Variants in GAB3 observed in about 807,000 individuals in gnomAD.
The protein encoded by GAB3 is GRB2-associated-binding protein 3.
GAB3 carries 12 observed loss-of-function variants against 40.4 expected under a neutral mutation model. That is an observed-to-expected ratio of 0.30 (90% CI 0.19 to 0.48). The LOEUF is 0.48. Among genes scored for constraint, GAB3 ranks in the 20% least tolerant of loss-of-function variants. GAB3 has a pLI of 0.99. For missense variants in GAB3, 381 were observed against 461.9 expected, an observed-to-expected ratio of 0.82 and a Z score of 1.61; for synonymous variants, 154 against 176.7, an observed-to-expected ratio of 0.87 and a Z score of 1.02.
intron 1 of GAB3, among the ~76,000 whole-genome samples, chrX:154,743,312 G>A (rs1051524813): frequency 9.0e-6 from 1 of 111,229 alleles, no homozygotes; most frequent in African/African-American, 3.3e-5. Flanking sequence ...AAACAAAACA[G>A]AGAAGTCACT....
intron 5 of GAB3, 34 bp downstream of exon 5, chrX:154,699,970 T>C (rs374878750): frequency 5.7e-5 from 65 of 1,150,032 alleles, no homozygotes; most frequent in Non-Finnish European, 6.8e-5. Flanking sequence ...TTTGGTAAAA[T>C]TGATGCTTAA....
intron 3 of GAB3, 78 bp from the exon 4 acceptor site, chrX:154,712,779 A>T (rs1351987809): frequency 1.4e-5 from 8 of 569,456 alleles, no homozygotes; most frequent in Non-Finnish European, 1.9e-5. Flanking sequence ...CCTCATTCCC[A>T]TCTCCCCAGT....
chrX:154,717,897 C>G (rs370501110), intron 1 of GAB3, among the ~76,000 whole-genome samples: 37 of 111,881 alleles, frequency 3.3e-4, no homozygotes, highest in African/African-American at 1.1e-3. Flanking sequence ...ATAGCGTATC[C>G]TTACTTTCTG....
At chrX:154,724,206 G>A (rs1482809307) in intron 1 of GAB3, among the ~76,000 whole-genome samples, 1 of 110,077 alleles carries the variant, frequency 9.1e-6, no homozygotes, top group Non-Finnish European at 1.9e-5. Flanking sequence ...AATTAGCCAG[G>A]TGTGATGGCA....
intron 4 of GAB3, among the ~76,000 whole-genome samples, chrX:154,710,136 A>G (rs2070911157): frequency 8.9e-6 from 1 of 112,693 alleles, no homozygotes; most frequent in South Asian, 3.7e-4. Flanking sequence ...AATATGTGCA[A>G]TCTTTATTTG....
chrX:154,694,448 G>A (rs1042376635), intron 8 of GAB3, among the ~76,000 whole-genome samples: 18 of 109,102 alleles, frequency 1.6e-4, no homozygotes, highest in African/African-American at 5.0e-4. Flanking sequence ...GTGCAGTGGC[G>A]TTATCTCGAC....
upstream of GAB3, chrX:154,751,154 C>T (rs1489630041): frequency 1.7e-6 from 1 of 597,184 alleles, no homozygotes; most frequent in Admixed American, 9.0e-5. Flanking sequence ...CCGCTGCGAC[C>T]CCCGCCTCCG....
intron 4 of GAB3, among the ~76,000 whole-genome samples, chrX:154,702,241 C>T (rs1435723130): frequency 9.0e-6 from 1 of 111,548 alleles, no homozygotes; most frequent in African/African-American, 3.3e-5. Context: ...GACAAAGGTG[C>T]CAAGAACATA....
At chrX:154,683,628 G>C (rs2070406594) in intron 8 of GAB3, among the ~76,000 whole-genome samples, 1 of 111,633 alleles carries the variant, frequency 9.0e-6, no homozygotes, top group Non-Finnish European at 1.9e-5. Context: ...TACCTACTGT[G>C]GACAATTCCT....
intron 1 of GAB3, among the ~76,000 whole-genome samples, chrX:154,724,112 C>A (rs2071176554): frequency 9.0e-6 from 1 of 111,241 alleles, no homozygotes; most frequent in Non-Finnish European, 1.9e-5. Context: ...TTTGGGAGAC[C>A]GAGACGGGTG....
At chrX:154,702,331 C>T (rs1385159479) in intron 4 of GAB3, among the ~76,000 whole-genome samples, 5 of 111,899 alleles carry the variant, frequency 4.5e-5, no homozygotes, top group African/African-American at 1.6e-4. Flanking sequence ...AAACTAAGAC[C>T]CCTATCTCTC....
intron 9 of GAB3, chrX:154,679,106 A>T (rs1308329706): frequency 3.0e-6 from 1 of 329,599 alleles, no homozygotes; most frequent in Non-Finnish European, 6.0e-6. Context: ...GCAGTGAGCT[A>T]TGACCATGCC....
chrX:154,704,618 A>G (rs2070781302), intron 4 of GAB3, among the ~76,000 whole-genome samples: 2 of 111,789 alleles, frequency 1.8e-5, no homozygotes, highest in South Asian at 7.3e-4. Flanking sequence ...AGAACTACAG[A>G]AAAAGTTCGT....
At chrX:154,743,224 T>A (rs1557261536) in intron 1 of GAB3, among the ~76,000 whole-genome samples, 2 of 110,409 alleles carry the variant, frequency 1.8e-5, no homozygotes, top group Admixed American at 9.7e-5. Flanking sequence ...CAAAACAAAA[T>A]TTTTAAACTG....
At chrX:154,738,766 G>A (rs782346547) in intron 1 of GAB3, among the ~76,000 whole-genome samples, 53 of 111,881 alleles carry the variant, frequency 4.7e-4, no homozygotes, top group Non-Finnish European at 7.0e-4. Flanking sequence ...GGACTAAGTC[G>A]CCTTGCCTAG....
chrX:154,732,025 T>A, intron 1 of GAB3, among the ~76,000 whole-genome samples: 1 of 111,755 alleles, frequency 8.9e-6, no homozygotes, highest in East Asian at 2.8e-4. Context: ...GTCTGGTTCC[T>A]AATCACAGAC....
rs186452220 is a variant in GAB3, at chrX:154,729,649, T to C, written c.73-13320A>G. ...GGTTTGCAATTAGCAGATAATACTA[T>C]TGTGTAACATGCTATCAGGGCCTCA... On this transcript the variant is annotated intron_variant, in intron 1 of 9. Transcript: ENST00000424127. Among the ~76,000 whole-genome samples the C allele has an allele frequency of 4.5e-5, 5 of 112,040 alleles. No homozygotes were observed. The Admixed American group carries it at 4.7e-4, about 11-fold the overall frequency.
chrX:154,677,961 G>A lies in GAB3; in HGVS notation c.*217C>T, dbSNP rs1443770474. On this transcript the variant is annotated 3_prime_UTR_variant, in exon 10 of 10. Transcript: ENST00000424127. Reference sequence around the variant, plus strand: ...GCTAGATTCTCTCAGAGCCCCCTCCGGAAGGCAACTGCTTCCTTCTTTTCT... The same window carrying A: ...GCTAGATTCTCTCAGAGCCCCCTCCAGAAGGCAACTGCTTCCTTCTTTTCT... 3.1e-5 allele frequency: 10 copies of A among 319,408 alleles called. No homozygotes were observed. The highest frequency in any genetic ancestry group is 4.7e-5 in the East Asian group (1 of 21,486). The allele number at this position is 319,408 out of a possible 1,213,427, so 26.3% of individuals were successfully genotyped here.
chrX:154,678,333 C>T, intron 9 of GAB3, 39 bp from the exon 10 acceptor site: 2 of 683,129 alleles, frequency 2.9e-6, no homozygotes, highest in Non-Finnish European at 4.6e-6. Flanking sequence ...TTACATCTAA[C>T]TTAAAATGTC....
Sources: gnomAD v4.1 joint callset for allele counts (sites outside exome capture counted in the v4.1 genomes callset) on GRCh38, gnomAD v4.1.1 for gene constraint, MANE v1.5 for transcripts, NCBI Gene and HGNC (gene_info 2026-07-23, HGNC 2026-07-21) for gene names.